Variants in PALLD observed in about 807,000 individuals in gnomAD.
PALLD encodes the protein palladin, cytoskeletal associated protein.
A neutral mutation model predicts 123.5 loss-of-function variants in PALLD; 61 were observed. The observed-to-expected ratio is 0.49, with a 90% CI of 0.40 to 0.61. PALLD has a LOEUF of 0.61. Ranked by LOEUF, PALLD falls within the 20% of genes least tolerant of loss-of-function variation. PALLD has a pLI of 0.00. For missense variants in PALLD, 1,273 were observed against 1,377.0 expected (o/e 0.92, Z 1.20); for synonymous variants, 465 against 496.4 (o/e 0.94, Z 0.84).
At position 168,927,582 on chromosome 4, in the gene PALLD, T is replaced by C. The variant is rs1447699691; in HGVS notation, c.*1402T>C. On this transcript the variant is annotated 3_prime_UTR_variant, in exon 22 of 22. Transcript: ENST00000505667. ...ACATAAGGAGAGACAAAAACAGGTT[T>C]GTGCCATAAAGTATTTTTTCAAAGA... The C allele has an allele frequency of 8.7e-6, 2 of 229,940 alleles. No homozygotes were observed. The highest frequency in any genetic ancestry group is 1.7e-5 in the Non-Finnish European group (2 of 115,924). The allele number at this position is 229,940 out of a possible 1,614,324, so 14.2% of individuals were successfully genotyped here. A position where few individuals can be genotyped will look rare whatever the true frequency, so the allele number is the denominator to read the frequency against.
rs1751990779 is a variant in PALLD at position 168,877,901 on chromosome 4, C to T, written c.1965-13021C>T. ...CGCGTCCCCGGAGCCCATGAGCGCG[C>T]TGGCCTCCCGCTCCGCCCCCGCCAT... On this transcript the variant is annotated intron_variant, in intron 10 of 21. Transcript: ENST00000505667. 2.0e-6 allele frequency: 3 copies of T among 1,475,338 alleles called. No homozygotes were observed. The highest frequency in any genetic ancestry group is 1.5e-5 in the African/African-American group (1 of 68,316). The allele number at this position is 1,475,338 out of a possible 1,614,324, so 91.4% of individuals were successfully genotyped here.
chr4:168,799,767 T>A (rs1739049262), intron 10 of PALLD, among the ~76,000 whole-genome samples: 1 of 152,202 alleles, frequency 6.6e-6, no homozygotes, highest in Admixed American at 6.5e-5. Context: ...GTTAAGCTAC[T>A]ATGGAAATTA....
intron 8 of PALLD, among the ~76,000 whole-genome samples, chr4:168,702,160 T>A (rs1342920727): frequency 2.6e-5 from 4 of 152,042 alleles, no homozygotes; most frequent in Admixed American, 2.6e-4. Flanking sequence ...TGTCCTGAAC[T>A]AGGAAAAATG....
chr4:168,660,611 T>C (rs1580812895), intron 2 of PALLD, among the ~76,000 whole-genome samples: 1 of 149,340 alleles, frequency 6.7e-6, no homozygotes, highest in South Asian at 2.1e-4. Flanking sequence ...CACACACACA[T>C]ATGTATGTGT....
chr4:168,848,466 G>A (rs531253524), intron 10 of PALLD, among the ~76,000 whole-genome samples: 216 of 151,892 alleles, frequency 1.4e-3, no homozygotes, highest in African/African-American at 5.0e-3. Context: ...TCTACTTGGT[G>A]GTGTTCTGTG....
At chr4:168,719,970 C>T (rs1785828291) in intron 10 of PALLD, among the ~76,000 whole-genome samples, 1 of 152,136 alleles carries the variant, frequency 6.6e-6, no homozygotes, top group Non-Finnish European at 1.5e-5. Context: ...TTTCTTTATC[C>T]AGTCTACCAT....
chr4:168,771,358 G>T (rs539041897), intron 10 of PALLD, among the ~76,000 whole-genome samples: 5 of 152,154 alleles, frequency 3.3e-5, no homozygotes, highest in Non-Finnish European at 5.9e-5. Context: ...ATGAACACAT[G>T]TATAATGTCT....
intron 10 of PALLD, among the ~76,000 whole-genome samples, chr4:168,807,553 GC>G (rs1740408343): frequency 6.6e-6 from 1 of 152,108 alleles, no homozygotes; most frequent in Non-Finnish European, 1.5e-5. Flanking sequence ...GAGATTACAG[GC>G]AAGCGCCACC....
intron 10 of PALLD, among the ~76,000 whole-genome samples, chr4:168,871,406 C>G (rs1454219103): frequency 2.0e-5 from 3 of 151,960 alleles, no homozygotes; most frequent in African/African-American, 7.2e-5. Flanking sequence ...TTCTCAACAT[C>G]TGTCTCACAG....
At chr4:168,906,658 T>C (rs1400374862) in intron 15 of PALLD, among the ~76,000 whole-genome samples, 4 of 152,210 alleles carry the variant, frequency 2.6e-5, no homozygotes, top group African/African-American at 9.7e-5. Flanking sequence ...AAGGTCTTCC[T>C]CAGTCACCCA....
chr4:168,718,811 G>A (rs900756558), intron 10 of PALLD, among the ~76,000 whole-genome samples: 4 of 151,630 alleles, frequency 2.6e-5, no homozygotes, highest in African/African-American at 9.7e-5. Flanking sequence ...TTTTAGAGAT[G>A]TTTCATGTGA....
At chr4:168,737,703 C>A (rs778466955) in intron 10 of PALLD, among the ~76,000 whole-genome samples, 33 of 152,146 alleles carry the variant, frequency 2.2e-4, no homozygotes, top group Non-Finnish European at 4.1e-4. Context: ...TTCAAAGAAC[C>A]TATCTTTGTT....
chr4:168,805,010 T>G (rs1739957974), intron 10 of PALLD, among the ~76,000 whole-genome samples: 1 of 151,982 alleles, frequency 6.6e-6, no homozygotes, highest in Non-Finnish European at 1.5e-5. Flanking sequence ...AATACAAAAA[T>G]TAGCTGGGCT....
chr4:168,786,475 A>G lies in PALLD; in HGVS notation c.1964+74552A>G, dbSNP rs1210514460. The stretch of plus-strand genomic sequence containing the variant: ...GATCGCTTGAGCCCAGGAGTTTGAG[A>G]CCAGCCTGGACAACACAGGAAAACC... On this transcript the variant is annotated intron_variant, in intron 10 of 21. Coordinates refer to ENST00000505667, the MANE Select transcript of PALLD (RefSeq NM_001166108.2). 3.3e-5 allele frequency among the ~76,000 whole-genome samples: 5 copies of G among 152,226 alleles called. No individual in the cohort carries two copies. In the East Asian group the frequency reaches 9.6e-4, roughly 29 times the overall value.
intron 10 of PALLD, among the ~76,000 whole-genome samples, chr4:168,793,256 T>C (rs1272759615): frequency 4.1e-5 from 1 of 24,108 alleles, no homozygotes; most frequent in African/African-American, 1.7e-4. Context: ...TGCATATATA[T>C]ACATATATAT....
rs571883134 is a variant in PALLD at position 168,914,530 on chromosome 4, T to C, written c.2717+509T>C. ...ATCTGTCACATTTTAAATACTCAGA[T>C]ATCTGCTAGCAATAGAGATGCTTTC... is the stretch of plus-strand genomic sequence containing the variant. On this transcript the variant is annotated intron_variant, in intron 16 of 21. Transcript: ENST00000505667. 9.2e-5 allele frequency among the ~76,000 whole-genome samples: 14 copies of C among 152,350 alleles called. No homozygotes were observed. The East Asian group carries it at 2.5e-3, about 27-fold the overall frequency.
intron 10 of PALLD, among the ~76,000 whole-genome samples, chr4:168,841,317 T>C (rs966820569): frequency 2.6e-5 from 4 of 152,238 alleles, no homozygotes; most frequent in Non-Finnish European, 5.9e-5. Context: ...CAAGGGCAAC[T>C]GCAGAATTTT....
chr4:168,641,701 A>G (rs919225063), intron 2 of PALLD, among the ~76,000 whole-genome samples: 1 of 152,168 alleles, frequency 6.6e-6, no homozygotes, highest in Non-Finnish European at 1.5e-5. Context: ...AGGCCTTTCC[A>G]GATGCCGCTG....
chr4:168,825,216 T>C (rs1001621035), intron 10 of PALLD, among the ~76,000 whole-genome samples: 1 of 152,236 alleles, frequency 6.6e-6, no homozygotes, highest in Admixed American at 6.5e-5. Flanking sequence ...ATTTATTACA[T>C]TTTTATATTT....
Sources: allele counts gnomAD v4.1 joint callset (sites outside exome capture counted in the v4.1 genomes callset), GRCh38; gene constraint gnomAD v4.1.1; transcripts MANE v1.5; gene names NCBI Gene and HGNC (gene_info 2026-07-23, HGNC 2026-07-21).